The following EFNA5 variants were observed in gnomAD, a reference collection of about 807,000 sequenced individuals.
EFNA5 encodes the protein ephrin A5, also known as ephrin-A5.
Under a neutral mutation model 22.9 loss-of-function variants are expected in EFNA5, and 5 were observed. The ratio of observed to expected loss-of-function variants is 0.22; its 90% CI spans 0.11 to 0.46. The LOEUF (loss-of-function observed/expected upper bound fraction) is 0.46. Among genes scored for constraint, EFNA5 ranks in the 20% least tolerant of loss-of-function variants. The pLI, the probability that EFNA5 is intolerant of heterozygous loss-of-function variation, is 0.99. For synonymous variants in EFNA5, 113 were observed against 112.2 expected, an observed-to-expected ratio of 1.01 and a Z score of -0.04; for missense variants, 237 against 293.3, an observed-to-expected ratio of 0.81 and a Z score of 1.40.
chr5:107,422,535 C>T (rs751970663), intron 2 of EFNA5, among the ~76,000 whole-genome samples: 13 of 152,184 alleles, frequency 8.5e-5, no homozygotes, highest in Non-Finnish European at 1.8e-4. Context: ...GAGCAAGGCA[C>T]GTGAATGCCT....
At chr5:107,428,582 A>T (rs1748864986) in intron 1 of EFNA5, among the ~76,000 whole-genome samples, 1 of 152,226 alleles carries the variant, frequency 6.6e-6, no homozygotes, top group Non-Finnish European at 1.5e-5. Context: ...CTCAGTCTAA[A>T]ATCATGGTGG....
At chr5:107,442,627 T>C (rs1447279938) in intron 1 of EFNA5, among the ~76,000 whole-genome samples, 1 of 152,192 alleles carries the variant, frequency 6.6e-6, no homozygotes, top group African/African-American at 2.4e-5. Context: ...TATATTGCTA[T>C]TGTTCAATAT....
At position 107,401,309 on chromosome 5, in the gene EFNA5, T is replaced by A. The variant is rs189842427; in HGVS notation, c.419-13538A>T. On this transcript the variant is annotated intron_variant, in intron 2 of 4. Transcript: ENST00000333274. ...GGAAAAAATCAATCTATTTTGCCGC[T>A]GCTTAGTGGAAGAAAACTCTTGGGT... Among the ~76,000 whole-genome samples the A allele has an allele frequency of 1.3e-3, 195 of 152,350 alleles. 1 individual carries two copies. The highest frequency in any genetic ancestry group is 4.5e-3 in the African/African-American group (189 of 41,584).
intron 1 of EFNA5, among the ~76,000 whole-genome samples, chr5:107,602,294 G>T (rs1449020807): frequency 6.6e-6 from 1 of 152,160 alleles, no homozygotes; most frequent in Non-Finnish European, 1.5e-5. Context: ...TTGATGAGGA[G>T]TATATTGATG....
chr5:107,580,721 CAAAAAAAAAAA>C (rs56868732), intron 1 of EFNA5, among the ~76,000 whole-genome samples: 1 of 83,692 alleles, frequency 1.2e-5, no homozygotes, highest in East Asian at 5.6e-4. Context: ...GACTCCATCT[CAAAAAAAAAAA>C]AAAAAAAAGA....
intron 1 of EFNA5, among the ~76,000 whole-genome samples, chr5:107,653,952 T>C (rs901630381): frequency 1.3e-5 from 2 of 152,268 alleles, no homozygotes; most frequent in African/African-American, 4.8e-5. Context: ...ACTCCACGAC[T>C]GAATTCCAAA....
chr5:107,492,026 G>T (rs1160014972), intron 1 of EFNA5, among the ~76,000 whole-genome samples: 1 of 151,928 alleles, frequency 6.6e-6, no homozygotes. Context: ...TTCGAGACAG[G>T]GTTTCGCCAT....
intron 1 of EFNA5, among the ~76,000 whole-genome samples, chr5:107,646,088 T>C (rs969471418): frequency 5.9e-5 from 9 of 152,200 alleles, no homozygotes; most frequent in African/African-American, 1.7e-4. Context: ...TTCTGTGAAA[T>C]GATAGGTGAG....
At chr5:107,444,656 G>A (rs1050773201) in intron 1 of EFNA5, among the ~76,000 whole-genome samples, 2 of 152,202 alleles carry the variant, frequency 1.3e-5, no homozygotes, top group Non-Finnish European at 2.9e-5. Context: ...CGCAATTTGA[G>A]ATTACAGTTT....
At chr5:107,515,858 A>G (rs1723144155) in intron 1 of EFNA5, among the ~76,000 whole-genome samples, 1 of 152,260 alleles carries the variant, frequency 6.6e-6, no homozygotes, top group South Asian at 2.1e-4. Flanking sequence ...ATCCAAGCCC[A>G]AGAAACTAAA....
At chr5:107,490,463 C>T (rs1580489509) in intron 1 of EFNA5, among the ~76,000 whole-genome samples, 2 of 152,110 alleles carry the variant, frequency 1.3e-5, no homozygotes, top group African/African-American at 4.8e-5. Flanking sequence ...AATTGCGTGA[C>T]ATTTTCCAAA....
At chr5:107,450,948 C>T (rs186398182) in intron 1 of EFNA5, among the ~76,000 whole-genome samples, 153 of 152,316 alleles carry the variant, frequency 1.0e-3, no homozygotes, top group African/African-American at 3.4e-3. Flanking sequence ...CTGAGAGCTA[C>T]GTGGTCTTGG....
Position 107,519,035 on chromosome 5 carries a change from T to A in EFNA5, c.126-91526A>T, listed in dbSNP as rs1352698312. 2.6e-5 allele frequency among the ~76,000 whole-genome samples: 4 copies of A among 152,216 alleles called. No individual in the cohort carries two copies. In the East Asian group the frequency reaches 7.7e-4, roughly 29 times the overall value. Reference sequence around the variant, plus strand: ...GTTACAGAGAATAAATCTATTTCTATAATATGTTATTACATTAGTTTAATG... The same window carrying A: ...GTTACAGAGAATAAATCTATTTCTAAAATATGTTATTACATTAGTTTAATG... On this transcript the variant is annotated intron_variant, in intron 1 of 4. Transcript: ENST00000333274.
chr5:107,617,508 C>T lies in EFNA5; in HGVS notation c.125+52981G>A, dbSNP rs553279475. On this transcript the variant is annotated intron_variant, in intron 1 of 4. Coordinates refer to ENST00000333274, the MANE Select transcript of EFNA5 (RefSeq NM_001962.3). Reference sequence around the variant, plus strand: ...CACCAGCACCACCACCCAATGCTCACAACAGCTTTCCCCGCCACCATTATC... The same window carrying T: ...CACCAGCACCACCACCCAATGCTCATAACAGCTTTCCCCGCCACCATTATC... Among the ~76,000 whole-genome samples, 5 of 152,276 alleles carry T rather than the reference C, an allele frequency of 3.3e-5. No individual in the cohort carries two copies. In the South Asian group the frequency reaches 1.0e-3, roughly 32 times the overall value.
Position 107,518,319 on chromosome 5 carries a change from C to T in EFNA5, c.126-90810G>A, listed in dbSNP as rs554166359. On this transcript the variant is annotated intron_variant, in intron 1 of 4. Coordinates refer to ENST00000333274, the MANE Select transcript of EFNA5 (RefSeq NM_001962.3). The stretch of plus-strand genomic sequence containing the variant: ...TAAAAAGCCATTGCAGACATCGGTC[C>T]CTTGTTTACTAGGCTTGCTGGAGGC... 5.9e-5 allele frequency among the ~76,000 whole-genome samples: 9 copies of T among 151,978 alleles called. No individual in the cohort carries two copies. The South Asian group carries it at 1.9e-3, about 32-fold the overall frequency.
chr5:107,487,039 G>C (rs1356334011), intron 1 of EFNA5, among the ~76,000 whole-genome samples: 1 of 152,142 alleles, frequency 6.6e-6, no homozygotes, highest in Non-Finnish European at 1.5e-5. Context: ...GGAATCGCCT[G>C]GCACAAAAGA....
chr5:107,520,097 G>T (rs572352920), intron 1 of EFNA5, among the ~76,000 whole-genome samples: 1 of 152,178 alleles, frequency 6.6e-6, no homozygotes, highest in African/African-American at 2.4e-5. Context: ...AAATAAACAC[G>T]AAAGACAGAT....
chr5:107,516,174 T>TTATGTGTGTGTG (rs375713870), intron 1 of EFNA5, among the ~76,000 whole-genome samples: 1 of 139,512 alleles, frequency 7.2e-6, no homozygotes, highest in Non-Finnish European at 1.5e-5. Context: ...CTGGCTAGTT[T>TTATGTGTGTGTG]TGTGTGTGTG....
At chr5:107,412,144 T>G (rs1748384181) in intron 2 of EFNA5, among the ~76,000 whole-genome samples, 1 of 152,162 alleles carries the variant, frequency 6.6e-6, no homozygotes, top group African/African-American at 2.4e-5. Context: ...AAATATAGAT[T>G]GGGTGATACT....
Sources: gnomAD v4.1 joint callset for allele counts (sites outside exome capture counted in the v4.1 genomes callset) on GRCh38, gnomAD v4.1.1 for gene constraint, MANE v1.5 for transcripts, NCBI Gene and HGNC (gene_info 2026-07-23, HGNC 2026-07-21) for gene names.